GALNTL6: variants seen among roughly 807,000 people sequenced by gnomAD.
GALNTL6 encodes the protein polypeptide N-acetylgalactosaminyltransferase-like 6.
GALNTL6 carries 46 observed loss-of-function variants against 73.7 expected under a neutral mutation model. The ratio of observed to expected loss-of-function variants is 0.62; its 90% confidence interval spans 0.49 to 0.80. The LOEUF (loss-of-function observed/expected upper bound fraction) is 0.80. Ranked by LOEUF, GALNTL6 falls within the 30% of genes least tolerant of loss-of-function variation. The pLI, the probability that GALNTL6 is intolerant of heterozygous loss-of-function variation, is 0.00. For synonymous variants in GALNTL6, 259 were observed against 263.7 expected (o/e 0.98, Z 0.17); for missense variants, 604 against 755.0 (o/e 0.80, Z 2.34).
At chr4:172,410,179 A>G (rs1274550374) in intron 5 of GALNTL6, among the ~76,000 whole-genome samples, 1 of 151,958 alleles carries the variant, frequency 6.6e-6, no homozygotes, top group East Asian at 1.9e-4. Context: ...AATGTTAATG[A>G]ACTTATACAT....
At chr4:172,283,361 A>G (rs1739130545) in intron 3 of GALNTL6, among the ~76,000 whole-genome samples, 1 of 152,234 alleles carries the variant, frequency 6.6e-6, no homozygotes, top group African/African-American at 2.4e-5. Context: ...ATGTACTAAT[A>G]ATAGGTTTAA....
chr4:172,245,398 A>G (rs767963888), intron 3 of GALNTL6, among the ~76,000 whole-genome samples: 20 of 152,192 alleles, frequency 1.3e-4, no homozygotes, highest in Middle Eastern at 6.3e-3. Flanking sequence ...AGTTAAAGTC[A>G]TCCTTACATT....
At chr4:172,173,698 G>A (rs1397734444) in intron 2 of GALNTL6, among the ~76,000 whole-genome samples, 4 of 152,220 alleles carry the variant, frequency 2.6e-5, no homozygotes, top group African/African-American at 7.2e-5. Flanking sequence ...GTGATTATTG[G>A]AAGAAGTAAA....
intron 2 of GALNTL6, among the ~76,000 whole-genome samples, chr4:172,019,823 T>C (rs1741341182): frequency 6.6e-6 from 1 of 152,128 alleles, no homozygotes; most frequent in South Asian, 2.1e-4. Flanking sequence ...CAAGTGGACC[T>C]AATAGATATT....
chr4:173,018,678 G>A (rs1339994611), intron 11 of GALNTL6, among the ~76,000 whole-genome samples: 1 of 152,196 alleles, frequency 6.6e-6, no homozygotes, highest in Non-Finnish European at 1.5e-5. Context: ...GCTAGTGAAT[G>A]TCTGTTTTCC....
intron 10 of GALNTL6, among the ~76,000 whole-genome samples, chr4:172,981,959 C>G (rs1484524311): frequency 6.6e-6 from 1 of 151,932 alleles, no homozygotes; most frequent in Non-Finnish European, 1.5e-5. Context: ...ACCACCCTGG[C>G]TAATTTTGTA....
At chr4:172,379,873 T>C (rs1019894554) in intron 5 of GALNTL6, among the ~76,000 whole-genome samples, 11 of 152,090 alleles carry the variant, frequency 7.2e-5, no homozygotes, top group African/African-American at 2.2e-4. Context: ...GAACAAAACA[T>C]AGATTTGCTA....
At chr4:172,772,706 T>C (rs1738844936) in intron 5 of GALNTL6, among the ~76,000 whole-genome samples, 1 of 140,998 alleles carries the variant, frequency 7.1e-6, no homozygotes, top group African/African-American at 2.5e-5. Context: ...GCTTACACTT[T>C]CCATGGTAGG....
At chr4:172,735,678 C>T (rs1487218617) in intron 5 of GALNTL6, among the ~76,000 whole-genome samples, 1 of 152,102 alleles carries the variant, frequency 6.6e-6, no homozygotes, top group African/African-American at 2.4e-5. Context: ...GCTTCCAAAT[C>T]TCATCTTGAA....
At chr4:172,172,110 T>C (rs1186170305) in intron 2 of GALNTL6, among the ~76,000 whole-genome samples, 1 of 152,196 alleles carries the variant, frequency 6.6e-6, no homozygotes, top group Non-Finnish European at 1.5e-5. Context: ...ATAGGGCCTT[T>C]AAAGAATAAT....
intron 10 of GALNTL6, among the ~76,000 whole-genome samples, chr4:172,999,348 TCA>T (rs970135825): frequency 1.3e-5 from 2 of 151,586 alleles, no homozygotes; most frequent in African/African-American, 4.8e-5. Flanking sequence ...GCGTGCGCAC[TCA>T]CACACACACA....
intron 2 of GALNTL6, among the ~76,000 whole-genome samples, chr4:172,216,305 A>G (rs1201370164): frequency 1.3e-5 from 2 of 151,980 alleles, no homozygotes; most frequent in African/African-American, 2.4e-5. Context: ...TTCACTGAGT[A>G]TAGAATTCTA....
chr4:172,160,446 A>G (rs13146606), intron 2 of GALNTL6, among the ~76,000 whole-genome samples: 2,031 of 152,184 alleles, frequency 0.013, 44 homozygotes, highest in African/African-American at 0.045. Context: ...GAGTCACATA[A>G]AAGTCCATTG....
At chr4:172,023,897 A>G (rs1213418784) in intron 2 of GALNTL6, among the ~76,000 whole-genome samples, 1 of 151,876 alleles carries the variant, frequency 6.6e-6, no homozygotes, top group Non-Finnish European at 1.5e-5. Flanking sequence ...ACTTAAAAGT[A>G]TAATAATCAA....
intron 2 of GALNTL6, among the ~76,000 whole-genome samples, chr4:172,051,777 T>C (rs1283360952): frequency 6.6e-6 from 1 of 152,138 alleles, no homozygotes; most frequent in Non-Finnish European, 1.5e-5. Flanking sequence ...GGCCATGGGT[T>C]TCCAGGCTTG....
intron 5 of GALNTL6, among the ~76,000 whole-genome samples, chr4:172,569,231 G>GCCCA (rs992575543): frequency 1.4e-4 from 21 of 152,100 alleles, no homozygotes; most frequent in South Asian, 4.1e-4. Flanking sequence ...ACTGGTGAGG[G>GCCCA]CCCACCTCCT....
intron 2 of GALNTL6, among the ~76,000 whole-genome samples, chr4:171,873,526 G>A (rs547016394): frequency 6.6e-6 from 1 of 152,290 alleles, no homozygotes; most frequent in Admixed American, 6.5e-5. Context: ...CCTGCCTAGT[G>A]TGGAAGGCAA....
chr4:171,817,078 A>G (rs1462786484), intron 2 of GALNTL6, among the ~76,000 whole-genome samples: 2 of 152,080 alleles, frequency 1.3e-5, no homozygotes, highest in African/African-American at 4.8e-5. Flanking sequence ...TAATTGCTAA[A>G]TGTTCCCCAG....
chr4:171,861,921 AGT>A (rs1311730597), intron 2 of GALNTL6, among the ~76,000 whole-genome samples: 1 of 152,168 alleles, frequency 6.6e-6, no homozygotes, highest in East Asian at 1.9e-4. Flanking sequence ...GGCCACTAAT[AGT>A]GTTTACTATG....
Sources: gnomAD v4.1 joint callset for allele counts (sites outside exome capture counted in the v4.1 genomes callset) on GRCh38, gnomAD v4.1.1 for gene constraint, MANE v1.5 for transcripts, NCBI Gene and HGNC (gene_info 2026-07-23, HGNC 2026-07-21) for gene names.